VDR: variants seen among roughly 807,000 people sequenced by gnomAD.
The protein encoded by VDR is vitamin D receptor.
Under a neutral mutation model 39.7 loss-of-function variants are expected in VDR, and 19 were observed. That is an observed-to-expected ratio of 0.48 (90% CI 0.33 to 0.70). The LOEUF (loss-of-function observed/expected upper bound fraction) is 0.70, where lower values mean the gene tolerates loss of function less well. Ranked by LOEUF, VDR falls within the 30% of genes least tolerant of loss-of-function variation. The pLI, the probability that VDR is intolerant of heterozygous loss-of-function variation, is 0.02. For synonymous variants in VDR, 242 were observed against 215.8 expected, an observed-to-expected ratio of 1.12 and a Z score of -1.07; for missense variants, 442 against 570.5, an observed-to-expected ratio of 0.77 and a Z score of 2.29.
intron 7 of VDR, 138 bp from the exon 8 acceptor site, chr12:47,846,946 C>A (rs1381026532): frequency 2.9e-6 from 3 of 1,017,522 alleles, no homozygotes; most frequent in Non-Finnish European, 4.6e-6. Flanking sequence ...AGCTTGCAGG[C>A]TGGCTGGAAG....
intron 3 of VDR, among the ~76,000 whole-genome samples, chr12:47,871,968 C>A (rs924335325): frequency 1.3e-5 from 2 of 152,210 alleles, no homozygotes; most frequent in African/African-American, 4.8e-5. Flanking sequence ...GAAGCGAACA[C>A]GATGAGCTGG....
intron 1 of VDR, among the ~76,000 whole-genome samples, chr12:47,887,844 AGT>A (rs1291297269): frequency 2.6e-5 from 4 of 152,260 alleles, no homozygotes; most frequent in African/African-American, 7.2e-5. Flanking sequence ...TGGGAAATTC[AGT>A]GGCTGATGAC....
chr12:47,897,414 C>G (rs1946482234), intron 1 of VDR, among the ~76,000 whole-genome samples: 1 of 152,164 alleles, frequency 6.6e-6, no homozygotes, highest in South Asian at 2.1e-4. Flanking sequence ...TCCCTGATCC[C>G]AGCACAGGCC....
At chr12:47,904,483 AAAAAT>A in intron 1 of VDR, 2 of 1,019,618 alleles carry the variant, frequency 2.0e-6, no homozygotes, top group Non-Finnish European at 2.7e-6. Flanking sequence ...AAAAAAAAAA[AAAAAT>A]TACTTAAAAG....
At position 47,865,164 on chromosome 12, in the gene VDR, G is replaced by T; in HGVS notation, c.160C>A (p.Arg54=). 1 of 1,612,282 alleles carries T rather than the reference G, an allele frequency of 6.2e-7. No individual in the cohort carries two copies. Residue 54 remains arginine, a synonymous_variant, in exon 4 of 10, where the codon CGG becomes AGG. Transcript: ENST00000549336. Reference sequence around the variant, plus strand: ...AAGGGGCAGGTGAATAGTGCCTTCCGCTTCATGCTTCGCCTGCCGAGAGAG... The same window carrying T: ...AAGGGGCAGGTGAATAGTGCCTTCCTCTTCATGCTTCGCCTGCCGAGAGAG... ...CKGFFRRSMK[R]KALFTCPFNG...
chr12:47,876,286 TGCA>T (rs1946001842), intron 3 of VDR, among the ~76,000 whole-genome samples: 1 of 152,174 alleles, frequency 6.6e-6, no homozygotes. Context: ...TTCAGAACCT[TGCA>T]GCTGTCTTTC....
At chr12:47,874,978 G>A (rs913557086) in intron 3 of VDR, among the ~76,000 whole-genome samples, 1 of 152,156 alleles carries the variant, frequency 6.6e-6, no homozygotes, top group Non-Finnish European at 1.5e-5. Context: ...CTATAAGCCT[G>A]CCTGTGCCAA....
intron 1 of VDR, among the ~76,000 whole-genome samples, chr12:47,887,216 G>A (rs561260238): frequency 5.7e-4 from 87 of 151,532 alleles, no homozygotes; most frequent in Middle Eastern, 3.4e-3. Flanking sequence ...CAGCTACTCA[G>A]GAGGCTGAGG....
intron 7 of VDR, among the ~76,000 whole-genome samples, chr12:47,854,378 C>G (rs1366611997): frequency 6.6e-6 from 1 of 152,096 alleles, no homozygotes; most frequent in Non-Finnish European, 1.5e-5. Flanking sequence ...CCTCCTACCT[C>G]AGTCTCTCAA....
At chr12:47,856,631 A>AG (rs1227597008) in intron 6 of VDR, among the ~76,000 whole-genome samples, 2 of 151,456 alleles carry the variant, frequency 1.3e-5, no homozygotes, top group Admixed American at 1.3e-4. Context: ...TTAAAAAAAA[A>AG]AAAAAAAAGA....
In VDR at chr12:47,876,919, A is replaced by AG. The variant is rs567487298; in HGVS notation, c.146+2048dup. On this transcript the variant is annotated intron_variant, in intron 3 of 9. Coordinates refer to ENST00000549336, the MANE Select transcript of VDR (RefSeq NM_000376.3). ...TTCTCATTTCCCAGAGCTGAATCTC[A>AG]GGGGGGAGGAGGCCTAGGAGGAGAG... 4.7e-4 allele frequency among the ~76,000 whole-genome samples: 72 copies of AG among 152,272 alleles called. No individual in the cohort carries two copies. In the East Asian group the frequency reaches 8.5e-3, roughly 18 times the overall value.
chr12:47,882,462 C>G (rs192904626), intron 2 of VDR, among the ~76,000 whole-genome samples: 41 of 152,168 alleles, frequency 2.7e-4, no homozygotes, highest in African/African-American at 9.2e-4. Flanking sequence ...CAGCCAGGGT[C>G]GTGGCTGGAG....
rs1310783575 is a variant in VDR at position 47,846,365 on chromosome 12, G to A, written c.994C>T (p.Leu332=). The change falls in exon 9 of 10, where the codon CTG becomes TTG. Residue 332 remains leucine (L), a synonymous_variant. Coordinates refer to ENST00000549336, the MANE Select transcript of VDR (RefSeq NM_000376.3). The part of the protein sequence containing the change: ...KLNLHEEEHV[L]LMAICIVSPD... The stretch of plus-strand genomic sequence containing the variant: ...GAGACGATGCAGATGGCCATGAGCA[G>A]GACATGCTCCTCCTCATGCAAGTTC... The A allele has an allele frequency of 1.2e-6, 2 of 1,603,886 alleles. No homozygotes were observed. The highest frequency in any genetic ancestry group is 2.3e-5 in the East Asian group (1 of 44,276).
At chr12:47,847,680 C>T (rs140817285) in intron 7 of VDR, among the ~76,000 whole-genome samples, 2 of 152,202 alleles carry the variant, frequency 1.3e-5, no homozygotes, top group East Asian at 3.9e-4. Context: ...TCAAGTGAGT[C>T]TCCCACCTCA....
rs566724934 is a variant in VDR, at chr12:47,889,452, G to A, written c.-83-6678C>T. On this transcript the variant is annotated intron_variant, in intron 1 of 9. Transcript: ENST00000549336. ...CACAGAGAAACAAAAATGTTGCTAGGATCACCCACATGCTCCTGCCCGACT... is the reference window on the plus strand; with the variant it reads ...CACAGAGAAACAAAAATGTTGCTAGAATCACCCACATGCTCCTGCCCGACT... 6.4e-4 allele frequency among the ~76,000 whole-genome samples: 98 copies of A among 152,250 alleles called. No individual in the cohort carries two copies. In the South Asian group the frequency reaches 0.015, roughly 23 times the overall value.
rs1946292232 is a variant in VDR at position 47,888,073 on chromosome 12, G to A, written c.-83-5299C>T. 2.0e-5 allele frequency among the ~76,000 whole-genome samples: 3 copies of A among 152,210 alleles called. No individual in the cohort carries two copies. In the South Asian group the frequency reaches 6.2e-4, roughly 32 times the overall value. On this transcript the variant is annotated intron_variant, in intron 1 of 9. Transcript: ENST00000549336. Reference sequence around the variant, plus strand: ...AATTACAATTCCACATGGCTGGGCAGGCCTCAGTATCATGGCGGAAGGTGA... The same window carrying A: ...AATTACAATTCCACATGGCTGGGCAAGCCTCAGTATCATGGCGGAAGGTGA...
At chr12:47,861,004 C>T (rs1216035696) in intron 4 of VDR, among the ~76,000 whole-genome samples, 1 of 152,194 alleles carries the variant, frequency 6.6e-6, no homozygotes, top group South Asian at 2.1e-4. Flanking sequence ...TGTTGTTATT[C>T]CCATTTAGCA....
intron 4 of VDR, 30 bp from the exon 5 acceptor site, chr12:47,857,718 C>T: frequency 6.2e-7 from 1 of 1,607,152 alleles, no homozygotes; most frequent in Non-Finnish European, 8.5e-7. Flanking sequence ...GTCAGGAGGG[C>T]TGGCCAGCAG....
rs1317954139 is a variant in VDR, at chr12:47,843,389, C to T, written c.*1357G>A. ...AAACTCAAGCACTGATCTGAAGAAG[C>T]CTCTGTGATCCACCTCGAAGAACGC... On this transcript the variant is annotated 3_prime_UTR_variant, in exon 10 of 10. Coordinates refer to ENST00000549336, the MANE Select transcript of VDR (RefSeq NM_000376.3). 6.6e-6 allele frequency: 1 copy of T among 152,300 alleles called. No homozygotes were observed. The highest frequency in any genetic ancestry group is 2.4e-5 in the African/African-American group (1 of 41,422). The allele number at this position is 152,300 out of a possible 1,614,324, so 9.4% of individuals were successfully genotyped here. A position where few individuals can be genotyped will look rare whatever the true frequency, so the allele number is the denominator to read the frequency against.
Sources: gnomAD v4.1 joint callset for allele counts (sites outside exome capture counted in the v4.1 genomes callset) on GRCh38, gnomAD v4.1.1 for gene constraint, MANE v1.5 for transcripts, NCBI Gene and HGNC (gene_info 2026-07-23, HGNC 2026-07-21) for gene names.